The following SINHCAF variants were observed in gnomAD, a reference collection of about 807,000 sequenced individuals.
SINHCAF encodes the protein SIN3-HDAC complex associated factor.
A neutral mutation model predicts 25.8 loss-of-function variants in SINHCAF; 3 were observed. The observed-to-expected ratio is 0.12, with a 90% CI of 0.05 to 0.30. SINHCAF has a LOEUF of 0.30. Ranked by LOEUF, SINHCAF falls within the 10% of genes least tolerant of loss-of-function variation. The pLI, the probability that SINHCAF is intolerant of heterozygous loss-of-function variation, is 1.00. For synonymous variants in SINHCAF, 70 were observed against 85.5 expected, an observed-to-expected ratio of 0.82 and a Z score of 1.00; for missense variants, 121 against 262.3, an observed-to-expected ratio of 0.46 and a Z score of 3.72.
chr12:31,284,631 A>T (rs1318123773), intron 5 of SINHCAF, among the ~76,000 whole-genome samples: 1 of 152,176 alleles, frequency 6.6e-6, no homozygotes, highest in African/African-American at 2.4e-5. Flanking sequence ...GGTGTGAGGT[A>T]GGGAACCCAA....
In SINHCAF at chr12:31,282,737, A is replaced by G. The variant is rs773822798; in HGVS notation, c.641T>C (p.Leu214Pro). The change falls in exon 6 of 6, where the codon CTG becomes CCG. Residue 214 changes from leucine to proline, a missense_variant. Physicochemically the swap from Leu to Pro is moderately conservative, Grantham distance 98 (BLOSUM62 -3). Transcript: ENST00000337682. ...EKPEEQGPEP[L>P]PISTQEW ...TCACCACTCCTGAGTGGAGATGGGC[A>G]GAGGCTCTGGCCCCTGCTCCTCTGG... 1.2e-6 allele frequency: 2 copies of G among 1,603,640 alleles called. No individual in the cohort carries two copies. Among genetic ancestry groups the G allele is most frequent in the East Asian group, 4.5e-5 (2 of 44,706 alleles).
At chr12:31,296,085 C>T (rs1938537866) in intron 2 of SINHCAF, among the ~76,000 whole-genome samples, 1 of 151,852 alleles carries the variant, frequency 6.6e-6, no homozygotes, top group Non-Finnish European at 1.5e-5. Context: ...AACTCAAGAC[C>T]TAAAAGAGAT....
At position 31,282,062 on chromosome 12, in the gene SINHCAF, CAA is replaced by C. The variant is rs1937825074; in HGVS notation, c.*648_*649del. 1 of 152,528 alleles carries C rather than the reference CAA, an allele frequency of 6.6e-6. No homozygotes were observed. Among genetic ancestry groups the C allele is most frequent in the African/African-American group, 2.4e-5 (1 of 41,420 alleles). The allele number at this position is 152,528 out of a possible 1,614,324, so 9.4% of individuals were successfully genotyped here. On this transcript the variant is annotated 3_prime_UTR_variant, in exon 6 of 6. Coordinates refer to ENST00000337682, the MANE Select transcript of SINHCAF (RefSeq NM_001135812.2). ...ACAAATTTATTATCATGAGGGAAAACAAGAGTAGCCAGCCATCTTAAAAATGC... is the reference window on the plus strand; with the variant it reads ...ACAAATTTATTATCATGAGGGAAAACGAGTAGCCAGCCATCTTAAAAATGC...
rs2071924918 is a variant in SINHCAF, at chr12:31,280,744, G to A, written c.*1968C>T. ...GTACATCCTACAGGCAAAGAGAGGT[G>A]GAAGGGGAAAAAGAAGACTGTGGTT... is the stretch of plus-strand genomic sequence containing the variant. On this transcript the variant is annotated 3_prime_UTR_variant, in exon 6 of 6. Transcript: ENST00000337682. The A allele has an allele frequency of 6.6e-6, 1 of 152,288 alleles. No individual in the cohort carries two copies. Among genetic ancestry groups the A allele is most frequent in the Non-Finnish European group, 1.5e-5 (1 of 67,968 alleles). 9.4% of individuals were successfully genotyped at this position (152,288 alleles called of 1,614,324 possible).
Position 31,287,181 on chromosome 12 carries a change from T to C in SINHCAF, c.506+453A>G, listed in dbSNP as rs116691347. On this transcript the variant is annotated intron_variant, in intron 5 of 5. Transcript: ENST00000337682. ...TAGTACTGTACCTGCTTCACCTGTA[T>C]GTTCAAATTTATTGGCATCAAGTTG... Among the ~76,000 whole-genome samples, 1,003 of 152,338 alleles carry C rather than the reference T, an allele frequency of 6.6e-3. 10 individuals carry two copies. The highest frequency in any genetic ancestry group is 0.023 in the African/African-American group (951 of 41,588).
intron 5 of SINHCAF, among the ~76,000 whole-genome samples, chr12:31,286,110 T>G (rs1381761546): frequency 2.0e-5 from 3 of 152,208 alleles, no homozygotes; most frequent in Non-Finnish European, 2.9e-5. Flanking sequence ...GGTTAGAACC[T>G]TCTGTATAAT....
At chr12:31,311,149 G>T (rs567595059) in intron 1 of SINHCAF, among the ~76,000 whole-genome samples, 8 of 152,150 alleles carry the variant, frequency 5.3e-5, no homozygotes, top group Admixed American at 3.3e-4. Context: ...CGTAATCTAT[G>T]ATCTTTTGAA....
At position 31,282,394 on chromosome 12, in the gene SINHCAF, T is replaced by C. The variant is rs1204532027; in HGVS notation, c.*318A>G. 5.3e-6 allele frequency: 1 copy of C among 189,932 alleles called. No individual in the cohort carries two copies. Among genetic ancestry groups the C allele is most frequent in the African/African-American group, 2.3e-5 (1 of 42,778 alleles). The allele number at this position is 189,932 out of a possible 1,614,324, so 11.8% of individuals were successfully genotyped here. On this transcript the variant is annotated 3_prime_UTR_variant, in exon 6 of 6. Coordinates refer to ENST00000337682, the MANE Select transcript of SINHCAF (RefSeq NM_001135812.2). Reference sequence around the variant, plus strand: ...TTGTCTTTTGGCAGAATAGCAGGTATCCAAGTTAAAAATAAGAGGGTCATT... The same window carrying C: ...TTGTCTTTTGGCAGAATAGCAGGTACCCAAGTTAAAAATAAGAGGGTCATT...
chr12:31,310,327 T>C (rs1210787815), intron 1 of SINHCAF, among the ~76,000 whole-genome samples: 2 of 152,182 alleles, frequency 1.3e-5, no homozygotes, highest in East Asian at 3.8e-4. Flanking sequence ...GGAGCTCCTG[T>C]GCCTACTATT....
At chr12:31,314,263 C>A (rs909848026) in intron 1 of SINHCAF, among the ~76,000 whole-genome samples, 1 of 151,972 alleles carries the variant, frequency 6.6e-6, no homozygotes, top group Non-Finnish European at 1.5e-5. Context: ...CAGTGGCTCA[C>A]GCCTGTAATC....
chr12:31,292,620 C>T (rs1028494177), intron 4 of SINHCAF, among the ~76,000 whole-genome samples: 1 of 151,988 alleles, frequency 6.6e-6, no homozygotes, highest in South Asian at 2.1e-4. Context: ...AATACATATA[C>T]AAATTTATAT....
At chr12:31,300,423 C>T (rs529675611) in intron 1 of SINHCAF, among the ~76,000 whole-genome samples, 104 of 152,158 alleles carry the variant, frequency 6.8e-4, no homozygotes, top group African/African-American at 2.3e-3. Context: ...ACAGTTACCT[C>T]TAAGAACTGT....
At chr12:31,291,491 C>T (rs938610096) in intron 4 of SINHCAF, among the ~76,000 whole-genome samples, 5 of 152,238 alleles carry the variant, frequency 3.3e-5, no homozygotes, top group South Asian at 2.1e-4. Flanking sequence ...GGGCTGGGCA[C>T]GGTGGCTCAC....
intron 5 of SINHCAF, among the ~76,000 whole-genome samples, chr12:31,284,227 T>C (rs140066927): frequency 6.6e-6 from 1 of 152,304 alleles, no homozygotes; most frequent in East Asian, 1.9e-4. Flanking sequence ...TTATTTTAGT[T>C]TTTTCACCAA....
intron 2 of SINHCAF, chr12:31,297,100 C>A: frequency 5.3e-6 from 2 of 379,122 alleles, no homozygotes; most frequent in South Asian, 2.0e-5. Flanking sequence ...TTACTTTCAC[C>A]ACTTTTTCTT....
At chr12:31,306,587 C>A (rs147886438) in intron 1 of SINHCAF, among the ~76,000 whole-genome samples, 34 of 152,268 alleles carry the variant, frequency 2.2e-4, no homozygotes, top group South Asian at 6.2e-4. Context: ...CTGTTTAAGT[C>A]TCACAGTCAT....
chr12:31,287,582 T>A (rs1938131724), intron 5 of SINHCAF, 52 bp downstream of exon 5: 1 of 1,387,862 alleles, frequency 7.2e-7, no homozygotes. Context: ...AGAAAAATAC[T>A]GCCCATAATT....
chr12:31,306,364 G>A (rs1939025588), intron 1 of SINHCAF, among the ~76,000 whole-genome samples: 1 of 152,054 alleles, frequency 6.6e-6, no homozygotes, highest in Non-Finnish European at 1.5e-5. Flanking sequence ...CAATAATATT[G>A]TTTATAATAG....
At chr12:31,320,480 CT>C (rs1176093856) in intron 1 of SINHCAF, among the ~76,000 whole-genome samples, 2 of 152,130 alleles carry the variant, frequency 1.3e-5, no homozygotes, top group Non-Finnish European at 2.9e-5. Context: ...TAGTAAACCG[CT>C]GTAGAGCAGA....
Sources: gnomAD v4.1 joint callset for allele counts (sites outside exome capture counted in the v4.1 genomes callset) on GRCh38, gnomAD v4.1.1 for gene constraint, MANE v1.5 for transcripts, NCBI Gene and HGNC (gene_info 2026-07-23, HGNC 2026-07-21) for gene names.